Variants in CMTR1 observed in about 807,000 individuals in gnomAD.
CMTR1 encodes the protein cap methyltransferase 1.
In CMTR1, 39 loss-of-function variants were observed where a neutral mutation model predicts 107.0. The observed-to-expected ratio is 0.36, with a 90% CI of 0.28 to 0.48. The LOEUF (loss-of-function observed/expected upper bound fraction) is 0.48, where lower values mean the gene tolerates loss of function less well. CMTR1 is among the 20% of genes least tolerant of loss of function. The pLI is 0.99. For missense variants in CMTR1, 672 were observed against 1,064.9 expected (o/e 0.63, Z 5.14); for synonymous variants, 366 against 379.5 (o/e 0.96, Z 0.41).
chr6:37,462,489 G>T (rs527689142), intron 12 of CMTR1, among the ~76,000 whole-genome samples: 3 of 152,346 alleles, frequency 2.0e-5, no homozygotes, highest in East Asian at 1.9e-4. Flanking sequence ...AATCAGAATT[G>T]CCCGGTGGCT....
At chr6:37,436,596 A>G (rs1581725461) in intron 2 of CMTR1, among the ~76,000 whole-genome samples, 1 of 152,156 alleles carries the variant, frequency 6.6e-6, no homozygotes, top group Non-Finnish European at 1.5e-5. Context: ...GCTGGCTGCT[A>G]GCATTCCTTG....
chr6:37,456,349 A>G (rs1337666576), intron 8 of CMTR1, among the ~76,000 whole-genome samples: 2 of 152,228 alleles, frequency 1.3e-5, no homozygotes, highest in East Asian at 1.9e-4. Flanking sequence ...GGAACAAAGA[A>G]TGCTGGGGCG....
chr6:37,448,011 C>T (rs1771839184), intron 4 of CMTR1, among the ~76,000 whole-genome samples: 1 of 151,964 alleles, frequency 6.6e-6, no homozygotes, highest in South Asian at 2.1e-4. Flanking sequence ...GAGATCAAGA[C>T]CATCTTGGCT....
rs1429278231 is a variant in CMTR1 at position 37,453,048 on chromosome 6, G to A, written c.611G>A (p.Ser204Asn). Residue 204 changes from serine to asparagine, a missense_variant and splice_region_variant, in exon 7 of 24, where the codon AGC becomes AAC. Around this residue, in one of 2 missense-constraint regions of CMTR1, gnomAD observed 583 missense variants for 968.4 expected, o/e 0.60. Coordinates refer to ENST00000373451, the MANE Select transcript of CMTR1 (RefSeq NM_015050.3). ...ELLHSVLQCK[S>N]VFDVLDGEEM... The stretch of plus-strand genomic sequence containing the variant: ...TTGAGGTTCTGATTCTCTGGGCAGA[G>A]CGTGTTTGATGTCTTGGATGGGGAA... The A allele has an allele frequency of 6.2e-7, 1 of 1,614,058 alleles. No homozygotes were observed. The highest frequency in any genetic ancestry group is 1.1e-5 in the South Asian group (1 of 91,082).
chr6:37,471,678 GAGC>G (rs1761630046), intron 14 of CMTR1, among the ~76,000 whole-genome samples, 166 bp from the exon 15 acceptor site: 3 of 152,294 alleles, frequency 2.0e-5, no homozygotes, highest in African/African-American at 7.2e-5. Context: ...TTCAAAAGGA[GAGC>G]CTTGCATGTG....
chr6:37,479,270 T>C lies in CMTR1; in HGVS notation c.2375+15T>C. 2 of 1,554,224 alleles carry C rather than the reference T, an allele frequency of 1.3e-6. No individual in the cohort carries two copies. Among genetic ancestry groups the C allele is most frequent in the South Asian group, 1.1e-5 (1 of 89,868 alleles). ...GCCCCATTTCAGTAAGTAGCTCTCC[T>C]CCAAGCCTGCCCTCCTTAGCAGCCT... On this transcript the variant is annotated intron_variant, in intron 23 of 23. Coordinates refer to ENST00000373451, the MANE Select transcript of CMTR1 (RefSeq NM_015050.3).
intron 8 of CMTR1, among the ~76,000 whole-genome samples, chr6:37,455,648 C>T (rs1346155528): frequency 6.6e-6 from 1 of 151,974 alleles, no homozygotes; most frequent in Non-Finnish European, 1.5e-5. Context: ...AGTTTCAGTC[C>T]TAGCTGAGGA....
At chr6:37,470,296 G>A (rs938760360) in intron 13 of CMTR1, among the ~76,000 whole-genome samples, 6 of 152,038 alleles carry the variant, frequency 3.9e-5, no homozygotes, top group East Asian at 3.9e-4. Context: ...ACAGGCGCCC[G>A]CCACCACGCC....
chr6:37,457,085 T>TG (rs1325721432), intron 8 of CMTR1, among the ~76,000 whole-genome samples: 1 of 149,616 alleles, frequency 6.7e-6, no homozygotes, highest in Non-Finnish European at 1.5e-5. Context: ...TTGAGCGTGG[T>TG]GGTGTGTGTC....
chr6:37,478,940 TG>T (rs778214583), intron 22 of CMTR1, among the ~76,000 whole-genome samples: 80 of 151,934 alleles, frequency 5.3e-4, no homozygotes, highest in Admixed American at 4.6e-3. Flanking sequence ...AGGACTGGGG[TG>T]GGGTCGTTGA....
chr6:37,434,054 T>G (rs1034311761), intron 1 of CMTR1, among the ~76,000 whole-genome samples: 1 of 152,216 alleles, frequency 6.6e-6, no homozygotes, highest in Non-Finnish European at 1.5e-5. Context: ...TTGCAATGGC[T>G]AGAAGCAAGC....
chr6:37,432,821 C>A (rs1221295771), upstream of CMTR1, among the ~76,000 whole-genome samples: 1 of 152,204 alleles, frequency 6.6e-6, no homozygotes, highest in Non-Finnish European at 1.5e-5. Context: ...TCCCGTCCTT[C>A]GTTCAAAATC....
intron 2 of CMTR1, 54 bp downstream of exon 2, chr6:37,435,816 C>T: frequency 6.5e-7 from 1 of 1,531,824 alleles, no homozygotes; most frequent in Non-Finnish European, 8.7e-7. Context: ...TTTGAACACA[C>T]AGTGTCTAAT....
intron 4 of CMTR1, among the ~76,000 whole-genome samples, chr6:37,448,037 C>T (rs1026560753): frequency 6.6e-6 from 1 of 151,752 alleles, no homozygotes; most frequent in African/African-American, 2.4e-5. Context: ...GGTGAAATCC[C>T]GTCTCTACTA....
intron 2 of CMTR1, among the ~76,000 whole-genome samples, chr6:37,437,791 T>A (rs1771571534): frequency 6.6e-6 from 1 of 151,886 alleles, no homozygotes; most frequent in South Asian, 2.1e-4. Flanking sequence ...TGGGTAGGGG[T>A]ATTGGGAGAG....
At chr6:37,456,029 C>G (rs1293407253) in intron 8 of CMTR1, among the ~76,000 whole-genome samples, 1 of 152,200 alleles carries the variant, frequency 6.6e-6, no homozygotes, top group Non-Finnish European at 1.5e-5. Flanking sequence ...CTATAAGGGC[C>G]ATACATCTTG....
At chr6:37,435,936 A>G (rs1212847350) in intron 2 of CMTR1, among the ~76,000 whole-genome samples, 174 bp downstream of exon 2, 2 of 152,182 alleles carry the variant, frequency 1.3e-5, no homozygotes, top group East Asian at 1.9e-4. Context: ...CCATTCTCCT[A>G]CTAAGAGTGG....
chr6:37,472,377 A>G lies in CMTR1; in HGVS notation c.1621-42A>G. On this transcript the variant is annotated intron_variant, in intron 15 of 23. Transcript: ENST00000373451. This position sits in a 1 kb window ranked among gnomAD's most constrained non-coding sequence, Gnocchi z 4.1. ...TATACTCATACACGGTCTTGGTCAA[A>G]AGGGCATTTGAAAGTCAAAGCTCTT... 2 of 1,597,148 alleles carry G rather than the reference A, an allele frequency of 1.3e-6. No homozygotes were observed. Among genetic ancestry groups the G allele is most frequent in the Non-Finnish European group, 1.7e-6 (2 of 1,164,700 alleles).
intron 8 of CMTR1, among the ~76,000 whole-genome samples, chr6:37,457,180 A>T (rs985529578): frequency 6.6e-6 from 1 of 151,350 alleles, no homozygotes; most frequent in Non-Finnish European, 1.5e-5. Context: ...TTATTGTACC[A>T]CTGTACTCCA....
Sources: gnomAD v4.1 joint callset for allele counts (sites outside exome capture counted in the v4.1 genomes callset) on GRCh38, gnomAD v4.1.1 for gene constraint, gnomAD v4.1.1 regional missense constraint, Gnocchi (gnomAD v3.1) non-coding constraint, MANE v1.5 for transcripts, NCBI Gene and HGNC (gene_info 2026-07-23, HGNC 2026-07-21) for gene names.